Variants in RBFOX1 observed in about 807,000 individuals in gnomAD.
The protein encoded by RBFOX1 is RNA binding fox-1 homolog 1, also known as RNA binding protein fox-1 homolog 1.
RBFOX1 carries 8 observed loss-of-function variants against 57.7 expected under a neutral mutation model. That is an observed-to-expected ratio of 0.14 (90% CI 0.08 to 0.25). RBFOX1 has a LOEUF of 0.25. Ranked by LOEUF, RBFOX1 falls within the 10% of genes least tolerant of loss-of-function variation. RBFOX1 has a pLI of 1.00. For synonymous variants in RBFOX1, 326 were observed against 222.4 expected, an observed-to-expected ratio of 1.47 and a Z score of -4.15; for missense variants, 611 against 548.5, an observed-to-expected ratio of 1.11 and a Z score of -1.14.
intron 3 of RBFOX1, among the ~76,000 whole-genome samples, chr16:6,659,570 A>C (rs1004408878): frequency 7.9e-5 from 12 of 152,264 alleles, no homozygotes; most frequent in African/African-American, 2.9e-4. Context: ...GGCACATTTA[A>C]GTGACTTGCC....
intron 4 of RBFOX1, among the ~76,000 whole-genome samples, chr16:7,109,667 C>G (rs1015889999): frequency 1.3e-5 from 2 of 152,064 alleles, no homozygotes; most frequent in African/African-American, 2.4e-5. Context: ...AGATAGTCCT[C>G]CTTTATTTAA....
At chr16:5,463,831 C>T (rs771626838) in intron 1 of RBFOX1, among the ~76,000 whole-genome samples, 2 of 151,394 alleles carry the variant, frequency 1.3e-5, no homozygotes, top group Admixed American at 6.6e-5. Context: ...AAAAAAAAAT[C>T]CACTTCATGG....
At chr16:7,518,445 G>A in intron 5 of RBFOX1, 56 bp downstream of exon 5, 1 of 1,547,638 alleles carries the variant, frequency 6.5e-7, no homozygotes, top group Non-Finnish European at 8.7e-7. Context: ...CCCCAGCCCT[G>A]GTAATGGCAG....
In RBFOX1 at chr16:7,035,495, G is replaced by T. The variant is rs183765726; in HGVS notation, c.-15-16562G>T. 2.1e-3 allele frequency among the ~76,000 whole-genome samples: 315 copies of T among 152,244 alleles called. 4 individuals are homozygous for T. Among genetic ancestry groups the T allele is most frequent in the Middle Eastern group, 0.014 (4 of 294 alleles). ...ACTTCCCCTGGGATTATTTCAGAGCGCATTTGCAGAATTTAATTGCAATAT... is the reference window on the plus strand; with the variant it reads ...ACTTCCCCTGGGATTATTTCAGAGCTCATTTGCAGAATTTAATTGCAATAT... On this transcript the variant is annotated intron_variant, in intron 3 of 15. Coordinates refer to ENST00000550418, the MANE Select transcript of RBFOX1 (RefSeq NM_018723.4).
chr16:7,384,387 T>C (rs1424165472), intron 4 of RBFOX1, among the ~76,000 whole-genome samples: 2 of 152,192 alleles, frequency 1.3e-5, no homozygotes, highest in Non-Finnish European at 2.9e-5. Context: ...CCTTTATATT[T>C]ATACCATTAC....
chr16:5,417,054 A>G (rs2067181296), intron 1 of RBFOX1, among the ~76,000 whole-genome samples: 1 of 152,202 alleles, frequency 6.6e-6, no homozygotes, highest in Non-Finnish European at 1.5e-5. Flanking sequence ...AACAATAACA[A>G]TGACCCAGTG....
chr16:7,587,264 A>G lies in RBFOX1; in HGVS notation c.432A>G (p.Leu144=). 3 of 1,568,094 alleles carry G rather than the reference A, an allele frequency of 1.9e-6. No individual in the cohort carries two copies. The highest frequency in any genetic ancestry group is 2.6e-6 in the Non-Finnish European group (3 of 1,158,582). The part of the protein sequence containing the change: ...RQMFGQFGKI[L]DVEIIFNERG... ...CTTTGCAGCAATTTGGTAAAATCTT[A>G]GATGTTGAAATTATTTTTAATGAGC... The change falls in exon 7 of 16, where the codon TTA becomes TTG. Residue 144 remains leucine (L), a synonymous_variant. Transcript: ENST00000550418.
chr16:6,037,302 C>T (rs1345439577), intron 1 of RBFOX1: 1 of 151,950 alleles, frequency 6.6e-6, no homozygotes, highest in African/African-American at 2.4e-5. Flanking sequence ...TCAGAAAGTC[C>T]TTCCTGAAAA....
chr16:7,599,638 C>CTTTTT (rs542898195), intron 9 of RBFOX1, among the ~76,000 whole-genome samples: 13,652 of 60,684 alleles, frequency 0.22, 3,182 homozygotes, highest in African/African-American at 0.38. Flanking sequence ...TTAATAAAGA[C>CTTTTT]TTTTTTTTTT....
intron 3 of RBFOX1, among the ~76,000 whole-genome samples, chr16:6,712,062 T>C (rs1453446980): frequency 1.3e-5 from 2 of 152,184 alleles, no homozygotes; most frequent in Non-Finnish European, 2.9e-5. Context: ...AGGAAAGATA[T>C]TTCTGTGTGG....
chr16:5,856,362 A>G (rs1389056060), intron 3 of RBFOX1, among the ~76,000 whole-genome samples: 1 of 133,728 alleles, frequency 7.5e-6, no homozygotes, highest in Non-Finnish European at 1.6e-5. Flanking sequence ...TAATGTTATG[A>G]TTTGTGTGTG....
chr16:6,639,413 T>C, intron 2 of RBFOX1, among the ~76,000 whole-genome samples: 1 of 152,172 alleles, frequency 6.6e-6, no homozygotes, highest in Non-Finnish European at 1.5e-5. Context: ...CGTGTCCTGT[T>C]AGAAATTGCA....
Position 7,476,959 on chromosome 16 carries a change from A to G in RBFOX1, c.28-41188A>G, listed in dbSNP as rs897242649. 5.9e-5 allele frequency among the ~76,000 whole-genome samples: 9 copies of G among 152,160 alleles called. No homozygotes were observed. The East Asian group carries it at 1.7e-3, about 29-fold the overall frequency. On this transcript the variant is annotated intron_variant, in intron 4 of 15. Transcript: ENST00000550418. ...GCCCTCATCCTCACCCCTCCATCATAGTGCAATTGCATTGGTGTGGAGTCC... is the reference window on the plus strand; with the variant it reads ...GCCCTCATCCTCACCCCTCCATCATGGTGCAATTGCATTGGTGTGGAGTCC...
downstream of RBFOX1, among the ~76,000 whole-genome samples, chr16:5,602,067 T>C (rs562306327): frequency 2.0e-5 from 3 of 152,310 alleles, no homozygotes; most frequent in East Asian, 5.8e-4. Flanking sequence ...CTCCTCCATC[T>C]CCACCCTCTG....
intron 4 of RBFOX1, among the ~76,000 whole-genome samples, chr16:7,131,998 C>CT (rs34879688): frequency 0.14 from 17,813 of 123,698 alleles, 1,574 homozygotes; most frequent in African/African-American, 0.26. Flanking sequence ...TTTTTTCTTT[C>CT]TTTTTTTTTT....
At chr16:6,900,285 T>C (rs534226767) in intron 3 of RBFOX1, among the ~76,000 whole-genome samples, 1 of 152,328 alleles carries the variant, frequency 6.6e-6, no homozygotes, top group South Asian at 2.1e-4. Flanking sequence ...TATTTCTCTG[T>C]AGTTCATCCA....
At chr16:7,595,528 C>A in intron 7 of RBFOX1, 21 bp from the exon 8 acceptor site, 1 of 1,527,852 alleles carries the variant, frequency 6.5e-7, no homozygotes, top group South Asian at 1.3e-5. Context: ...TGTTGTTTTC[C>A]CTTCTCCCTC....
intron 14 of RBFOX1, among the ~76,000 whole-genome samples, chr16:7,687,003 A>T (rs4787062): frequency 0.96 from 146,407 of 152,180 alleles, 70,554 homozygotes; most frequent in Middle Eastern, 0.99. Flanking sequence ...CTTCTTTACG[A>T]ATATCATGTT....
chr16:7,371,698 T>C (rs57297856), intron 4 of RBFOX1, among the ~76,000 whole-genome samples: 2,432 of 152,152 alleles, frequency 0.016, 65 homozygotes, highest in African/African-American at 0.052. Flanking sequence ...TGCAGTGAGC[T>C]GAGATCACGC....
Sources: gnomAD v4.1 joint callset for allele counts (sites outside exome capture counted in the v4.1 genomes callset) on GRCh38, gnomAD v4.1.1 for gene constraint, MANE v1.5 for transcripts, NCBI Gene and HGNC (gene_info 2026-07-23, HGNC 2026-07-21) for gene names.